MIGA1: variants seen among roughly 807,000 people sequenced by gnomAD.
MIGA1 encodes family with sequence similarity 73, member A.
In MIGA1, 58 loss-of-function variants were observed where a neutral mutation model predicts 82.0. The observed-to-expected ratio is 0.71, with a 90% confidence interval of 0.57 to 0.88. The LOEUF is 0.88. Among genes scored for constraint, MIGA1 ranks in the 40% least tolerant of loss-of-function variants. The probability of loss-of-function intolerance (pLI) is 0.00; values close to 1 mark genes in which losing one functional copy is unlikely to be tolerated. For synonymous variants in MIGA1, 249 were observed against 253.6 expected (o/e 0.98, Z 0.17); for missense variants, 751 against 749.1 (o/e 1.00, Z -0.03).
intron 8 of MIGA1, among the ~76,000 whole-genome samples, chr1:77,854,692 G>A (rs777833103): frequency 6.6e-6 from 1 of 151,998 alleles, no homozygotes; most frequent in Non-Finnish European, 1.5e-5. Context: ...TTGGCCATTT[G>A]TATATCTTCT....
chr1:77,835,833 G>A (rs958787613), intron 7 of MIGA1, among the ~76,000 whole-genome samples: 3 of 151,898 alleles, frequency 2.0e-5, no homozygotes, highest in Admixed American at 1.3e-4. Context: ...CTCTAATTCC[G>A]GCTACTTGGG....
At chr1:77,814,335 A>T (rs372114543) in intron 6 of MIGA1, among the ~76,000 whole-genome samples, 1 of 152,002 alleles carries the variant, frequency 6.6e-6, no homozygotes, top group Non-Finnish European at 1.5e-5. Flanking sequence ...TTTACCATTC[A>T]TCAAGTTTAT....
chr1:77,807,299 C>G (rs1683138942), intron 5 of MIGA1, among the ~76,000 whole-genome samples, 198 bp downstream of exon 5: 1 of 152,002 alleles, frequency 6.6e-6, no homozygotes, highest in East Asian at 1.9e-4. Flanking sequence ...GTTGCTGGGA[C>G]CACAGGCGCA....
At chr1:77,800,678 C>A (rs1682841746) in intron 2 of MIGA1, among the ~76,000 whole-genome samples, 1 of 152,066 alleles carries the variant, frequency 6.6e-6, no homozygotes, top group Non-Finnish European at 1.5e-5. Flanking sequence ...AATTATTTGC[C>A]AATATATCTG....
intron 1 of MIGA1, 93 bp downstream of exon 1, chr1:77,779,829 G>T (rs553962801): frequency 6.9e-7 from 1 of 1,444,136 alleles, no homozygotes; most frequent in Non-Finnish European, 9.1e-7. Flanking sequence ...CCTCGGGGCA[G>T]GGGTGGCGCG....
chr1:77,785,673 A>G (rs1570914069), intron 2 of MIGA1, among the ~76,000 whole-genome samples: 1 of 152,146 alleles, frequency 6.6e-6, no homozygotes, highest in South Asian at 2.1e-4. Flanking sequence ...TTCCAAAATG[A>G]TCTCTTTTGA....
At chr1:77,854,864 C>G (rs1685186225) in intron 8 of MIGA1, among the ~76,000 whole-genome samples, 1 of 152,180 alleles carries the variant, frequency 6.6e-6, no homozygotes, top group African/African-American at 2.4e-5. Flanking sequence ...ACTCTGTCAA[C>G]TGGTCCTTTT....
At chr1:77,789,348 A>G (rs990953993) in intron 2 of MIGA1, among the ~76,000 whole-genome samples, 3 of 151,676 alleles carry the variant, frequency 2.0e-5, no homozygotes, top group Non-Finnish European at 4.4e-5. Flanking sequence ...AGCTTGTACT[A>G]CAGGAGTGTA....
At chr1:77,808,516 T>C (rs1442431029) in intron 5 of MIGA1, among the ~76,000 whole-genome samples, 3 of 152,224 alleles carry the variant, frequency 2.0e-5, no homozygotes, top group Non-Finnish European at 1.5e-5. Context: ...AAATTTTAAA[T>C]AGAAAGAGGC....
At chr1:77,850,298 A>C (rs997242292) in intron 8 of MIGA1, among the ~76,000 whole-genome samples, 1 of 152,174 alleles carries the variant, frequency 6.6e-6, no homozygotes, top group African/African-American at 2.4e-5. Context: ...TTTCATTTCC[A>C]CAATGTGCTG....
At chr1:77,827,251 T>C (rs1348973247) in intron 7 of MIGA1, among the ~76,000 whole-genome samples, 1 of 152,118 alleles carries the variant, frequency 6.6e-6, no homozygotes, top group African/African-American at 2.4e-5. Context: ...TAAACTTTTT[T>C]TCTTAATAGC....
At chr1:77,783,550 T>C (rs1682014843) in intron 2 of MIGA1, among the ~76,000 whole-genome samples, 199 bp downstream of exon 2, 1 of 152,210 alleles carries the variant, frequency 6.6e-6, no homozygotes, top group Admixed American at 6.5e-5. Context: ...AAAAAGGTTA[T>C]GTTACTTAAA....
intron 7 of MIGA1, among the ~76,000 whole-genome samples, chr1:77,836,770 C>T (rs1404356586): frequency 3.3e-5 from 5 of 152,036 alleles, no homozygotes; most frequent in Non-Finnish European, 7.4e-5. Flanking sequence ...GGGATATGGT[C>T]AACATACCCT....
At chr1:77,841,228 A>G (rs1381465092) in intron 7 of MIGA1, among the ~76,000 whole-genome samples, 4 of 152,148 alleles carry the variant, frequency 2.6e-5, no homozygotes, top group Non-Finnish European at 5.9e-5. Flanking sequence ...TTTAAGATGA[A>G]AAGTTTTAGG....
chr1:77,862,575 AC>A lies in MIGA1; in HGVS notation c.1374+1255del, dbSNP rs372088905. Among the ~76,000 whole-genome samples the A allele has an allele frequency of 1.7e-3, 259 of 152,010 alleles. 1 individual carries two copies. The highest frequency in any genetic ancestry group is 5.9e-3 in the African/African-American group (244 of 41,452). On this transcript the variant is annotated intron_variant, in intron 12 of 15. Coordinates refer to ENST00000370791, the MANE Select transcript of MIGA1 (RefSeq NM_198549.4). ...AGACCAGCCTGACCAACATGGTGAA[AC>A]CTGTCTCTACTAAAAATACAAAAAT...
chr1:77,873,231 A>G lies in MIGA1; in HGVS notation c.1680+111A>G, dbSNP rs146506567. The G allele has an allele frequency of 1.6e-4, 177 of 1,078,640 alleles. No homozygotes were observed. The East Asian group carries it at 4.3e-3, about 26-fold the overall frequency. 66.8% of individuals were successfully genotyped at this position (1,078,640 alleles called of 1,614,324 possible). A position where few individuals can be genotyped will look rare whatever the true frequency, so the allele number is the denominator to read the frequency against. The stretch of plus-strand genomic sequence containing the variant: ...GAAGAACAAATGTTATTTAAGAGTA[A>G]AGTTATAAAAGTCACCTAAATTCAG... On this transcript the variant is annotated intron_variant, in intron 15 of 15. Coordinates refer to ENST00000370791, the MANE Select transcript of MIGA1 (RefSeq NM_198549.4).
chr1:77,782,159 A>C (rs1039889299), intron 1 of MIGA1, among the ~76,000 whole-genome samples: 4 of 152,162 alleles, frequency 2.6e-5, no homozygotes, highest in Non-Finnish European at 5.9e-5. Context: ...ACTTTTATAG[A>C]GGGATTGCTG....
chr1:77,839,469 C>G (rs1483837090), intron 7 of MIGA1, among the ~76,000 whole-genome samples: 19 of 151,870 alleles, frequency 1.3e-4, no homozygotes, highest in Admixed American at 1.2e-3. Flanking sequence ...CTTACGGGCT[C>G]AAGCGATTCT....
At chr1:77,825,860 T>G (rs1375291074) in intron 7 of MIGA1, among the ~76,000 whole-genome samples, 3 of 152,282 alleles carry the variant, frequency 2.0e-5, no homozygotes, top group East Asian at 3.9e-4. Flanking sequence ...CAAACAAGCA[T>G]GGGTTCAAAT....
Sources: allele counts gnomAD v4.1 joint callset (sites outside exome capture counted in the v4.1 genomes callset), GRCh38; gene constraint gnomAD v4.1.1; transcripts MANE v1.5; gene names NCBI Gene and HGNC (gene_info 2026-07-23, HGNC 2026-07-21).